The following CRIM1 variants were observed in gnomAD, a reference collection of about 807,000 sequenced individuals.
The protein encoded by CRIM1 is cysteine-rich motor neuron 1 protein.
In CRIM1, 32 loss-of-function variants were observed where a neutral mutation model predicts 116.4. That is an observed-to-expected ratio of 0.27 (90% confidence interval 0.21 to 0.37). The LOEUF (loss-of-function observed/expected upper bound fraction) is 0.37, where lower values mean the gene tolerates loss of function less well. Ranked by LOEUF, CRIM1 falls within the 10% of genes least tolerant of loss-of-function variation. The pLI is 1.00. For missense variants in CRIM1, 1,331 were observed against 1,354.8 expected (o/e 0.98, Z 0.28); for synonymous variants, 590 against 509.2 (o/e 1.16, Z -2.13).
intron 7 of CRIM1, among the ~76,000 whole-genome samples, chr2:36,493,835 T>C (rs1680399719): frequency 6.6e-6 from 1 of 152,214 alleles, no homozygotes; most frequent in African/African-American, 2.4e-5. Context: ...AATTATTGTA[T>C]TGTTTCAGAA....
At chr2:36,491,069 C>T (rs1168848107) in intron 7 of CRIM1, among the ~76,000 whole-genome samples, 2 of 152,188 alleles carry the variant, frequency 1.3e-5, no homozygotes, top group Non-Finnish European at 2.9e-5. Context: ...GACTGCCTAG[C>T]TGTTTTCAGG....
intron 1 of CRIM1, among the ~76,000 whole-genome samples, chr2:36,374,085 C>G (rs1396510655): frequency 6.6e-6 from 1 of 152,166 alleles, no homozygotes; most frequent in Non-Finnish European, 1.5e-5. Flanking sequence ...GATGTCCTAC[C>G]CATACTATGT....
chr2:36,466,185 C>G (rs978869101), intron 5 of CRIM1, among the ~76,000 whole-genome samples: 2 of 152,080 alleles, frequency 1.3e-5, no homozygotes, highest in African/African-American at 4.8e-5. Flanking sequence ...TGCTTCCGGC[C>G]AATAATCTTC....
chr2:36,448,457 G>C (rs1448294994), intron 4 of CRIM1, among the ~76,000 whole-genome samples: 1 of 152,126 alleles, frequency 6.6e-6, no homozygotes, highest in Non-Finnish European at 1.5e-5. Context: ...CCAGTGTTTG[G>C]ACCTAATTTT....
chr2:36,359,977 A>C (rs1039088090), intron 1 of CRIM1, among the ~76,000 whole-genome samples: 3 of 152,232 alleles, frequency 2.0e-5, no homozygotes, highest in African/African-American at 7.2e-5. Flanking sequence ...GAAGCCAGAG[A>C]AACAAGTGTG....
intron 1 of CRIM1, among the ~76,000 whole-genome samples, chr2:36,362,489 A>G (rs571959220): frequency 6.6e-6 from 1 of 152,214 alleles, no homozygotes; most frequent in Non-Finnish European, 1.5e-5. Flanking sequence ...CAAAACGGCA[A>G]GTTTCCTTTT....
chr2:36,422,121 T>C (rs1044573866), intron 2 of CRIM1, among the ~76,000 whole-genome samples: 7 of 151,608 alleles, frequency 4.6e-5, no homozygotes, highest in African/African-American at 1.5e-4. Flanking sequence ...ATTGGGATAC[T>C]AGATAGCTTC....
At chr2:36,538,650 C>T (rs139660557) in intron 14 of CRIM1, among the ~76,000 whole-genome samples, 1 of 152,154 alleles carries the variant, frequency 6.6e-6, no homozygotes, top group Admixed American at 6.5e-5. Context: ...TTGAGCATTT[C>T]TAAAAATGTC....
chr2:36,389,845 C>T (rs1671440231), intron 1 of CRIM1, among the ~76,000 whole-genome samples: 1 of 152,070 alleles, frequency 6.6e-6, no homozygotes, highest in Non-Finnish European at 1.5e-5. Context: ...GAGGTTGAAT[C>T]CAGGACCACT....
At chr2:36,499,180 T>A in intron 7 of CRIM1, 39 bp from the exon 8 acceptor site, 1 of 1,521,754 alleles carries the variant, frequency 6.6e-7, no homozygotes, top group Non-Finnish European at 9.1e-7. Context: ...AAGGTAATCA[T>A]ATGTTTCATT....
chr2:36,421,214 G>A (rs958232338), intron 2 of CRIM1, among the ~76,000 whole-genome samples: 7 of 152,152 alleles, frequency 4.6e-5, no homozygotes, highest in Non-Finnish European at 1.0e-4. Flanking sequence ...AAATTTAAAT[G>A]TATGACTTTT....
At chr2:36,503,517 G>A (rs1319246816) in intron 8 of CRIM1, among the ~76,000 whole-genome samples, 1 of 152,090 alleles carries the variant, frequency 6.6e-6, no homozygotes, top group Non-Finnish European at 1.5e-5. Context: ...TAGCCAACAT[G>A]GAAAGCCCCC....
At chr2:36,480,919 A>G (rs2125049282) in intron 7 of CRIM1, among the ~76,000 whole-genome samples, 1 of 152,326 alleles carries the variant, frequency 6.6e-6, no homozygotes, top group Middle Eastern at 3.4e-3. Context: ...GTAGAAATAC[A>G]TATGATGGTT....
At position 36,356,423 on chromosome 2, in the gene CRIM1, A is replaced by T; in HGVS notation, c.131A>T (p.Lys44Met). The change falls in exon 1 of 17, where the codon AAG (lysine) becomes ATG (methionine). Residue 44 changes from lysine (K) to methionine (M), a missense_variant. Physicochemically the swap from Lys to Met is moderately conservative, Grantham distance 95 (BLOSUM62 -1). This residue lies in a region of CRIM1 where 690 missense variants were observed against 676.0 expected (regional missense o/e 1.02). Transcript: ENST00000280527. The surrounding 1 kb of genome is among the most constrained non-coding windows in gnomAD (Gnocchi z 4.3). ...GTCTGCCTGCCCTGTGACGAGTCCA[A>T]GTGCGAGGAGCCCAGGAACTGCCCG... Reference protein sequence around the residue: ...ALVCLPCDESKCEEPRNCPGS... With the variant: ...ALVCLPCDESMCEEPRNCPGS... The T allele has an allele frequency of 6.2e-7, 1 of 1,610,828 alleles. No individual in the cohort carries two copies.
chr2:36,392,552 A>G (rs1443096776), intron 1 of CRIM1, among the ~76,000 whole-genome samples: 1 of 152,180 alleles, frequency 6.6e-6, no homozygotes, highest in Non-Finnish European at 1.5e-5. Flanking sequence ...AGGAAAAGAG[A>G]GATTTTAAAA....
chr2:36,512,231 C>CTT lies in CRIM1; in HGVS notation c.1659-40_1659-39dup, dbSNP rs764052845. ...CTGAGTGCTTGGGCATCATTTGAGA[C>CTT]TTTGTGATTTTCTGACCTCTGACAA... is the stretch of plus-strand genomic sequence containing the variant. On this transcript the variant is annotated intron_variant, in intron 9 of 16. Coordinates refer to ENST00000280527, the MANE Select transcript of CRIM1 (RefSeq NM_016441.3). 94 of 1,601,102 alleles carry CTT rather than the reference C, an allele frequency of 5.9e-5. No homozygotes were observed. The African/African-American group carries it at 1.1e-3, about 18-fold the overall frequency.
intron 1 of CRIM1, among the ~76,000 whole-genome samples, chr2:36,363,491 A>C (rs1183972405): frequency 6.7e-6 from 1 of 148,172 alleles, no homozygotes; most frequent in Non-Finnish European, 1.5e-5. Flanking sequence ...GGCTCTTAGA[A>C]AGGGAGCAAA....
intron 1 of CRIM1, among the ~76,000 whole-genome samples, chr2:36,357,326 C>G: frequency 6.6e-6 from 1 of 152,112 alleles, no homozygotes; most frequent in East Asian, 1.9e-4. Context: ...AAAGTTGTTG[C>G]TATTAGTGGC....
chr2:36,412,297 C>A (rs763441621), intron 2 of CRIM1, among the ~76,000 whole-genome samples: 1 of 144,874 alleles, frequency 6.9e-6, no homozygotes, highest in Non-Finnish European at 1.5e-5. Flanking sequence ...GGGTGGGGGG[C>A]GCACGGAATA....
Sources: allele counts gnomAD v4.1 joint callset (sites outside exome capture counted in the v4.1 genomes callset), GRCh38; gene constraint gnomAD v4.1.1; regional missense constraint gnomAD v4.1.1; non-coding constraint Gnocchi (gnomAD v3.1); transcripts MANE v1.5; gene names NCBI Gene and HGNC (gene_info 2026-07-23, HGNC 2026-07-21).